The following ATOSA variants were observed in gnomAD, a reference collection of about 807,000 sequenced individuals.
ATOSA encodes atos homolog protein A.
chr15:52,589,300 T>C, the ATOSA span, among the ~76,000 whole-genome samples: 5 of 152,208 alleles, frequency 3.3e-5, no homozygotes, highest in Non-Finnish European at 5.9e-5. Flanking sequence ...AAAGATATGG[T>C]ATATTATACA....
chr15:52,654,053 T>C, the ATOSA span, among the ~76,000 whole-genome samples: 833 of 152,262 alleles, frequency 5.5e-3, 24 homozygotes, highest in South Asian at 1.4e-3. Flanking sequence ...AAATTAACCT[T>C]TTCCTATCTC....
At chr15:52,647,981 T>C in the ATOSA span, among the ~76,000 whole-genome samples, 17 of 152,166 alleles carry the variant, frequency 1.1e-4, no homozygotes, top group Non-Finnish European at 1.9e-4. Context: ...TTCCAGTTAA[T>C]GAAGTACCTT....
At chr15:52,683,184 G>A in the ATOSA span, among the ~76,000 whole-genome samples, 2 of 151,974 alleles carry the variant, frequency 1.3e-5, no homozygotes, top group African/African-American at 2.4e-5. Flanking sequence ...GCCGTTTTTT[G>A]TGACAGTAAC....
chr15:52,631,409 G>C, the ATOSA span, among the ~76,000 whole-genome samples: 1 of 152,076 alleles, frequency 6.6e-6, no homozygotes, highest in Non-Finnish European at 1.5e-5. Flanking sequence ...CTTAAAAAAA[G>C]TCTTCCAACT....
the ATOSA span, among the ~76,000 whole-genome samples, chr15:52,646,736 T>C: frequency 1.3e-5 from 2 of 152,218 alleles, no homozygotes; most frequent in Admixed American, 6.5e-5. Flanking sequence ...AATGCTTTCA[T>C]ACTCTGACTA....
the ATOSA span, among the ~76,000 whole-genome samples, chr15:52,667,289 T>A: frequency 6.6e-6 from 1 of 152,244 alleles, no homozygotes; most frequent in Non-Finnish European, 1.5e-5. Context: ...TAATTTTTTA[T>A]CATATTCTTA....
the ATOSA span, among the ~76,000 whole-genome samples, chr15:52,633,636 A>T: frequency 6.6e-6 from 1 of 152,232 alleles, no homozygotes; most frequent in Non-Finnish European, 1.5e-5. Context: ...AATCCCATCA[A>T]TTAGATTTAA....
the ATOSA span, chr15:52,600,363 A>G: frequency 1.9e-6 from 1 of 535,270 alleles, no homozygotes; most frequent in Admixed American, 3.5e-5. Context: ...ATACAGCTCA[A>G]ACTCCTGGCT....
At chr15:52,701,463 G>C in the ATOSA span, among the ~76,000 whole-genome samples, 1 of 152,310 alleles carries the variant, frequency 6.6e-6, no homozygotes, top group South Asian at 2.1e-4. Flanking sequence ...GTAAATCATA[G>C]AGGTGATTTC....
the ATOSA span, chr15:52,611,293 G>A: frequency 6.2e-7 from 1 of 1,601,242 alleles, no homozygotes; most frequent in Non-Finnish European, 8.5e-7. Flanking sequence ...ATGTAGGCAA[G>A]TACAAAATGA....
the ATOSA span, among the ~76,000 whole-genome samples, chr15:52,642,393 T>G: frequency 6.6e-6 from 1 of 152,328 alleles, no homozygotes; most frequent in East Asian, 1.9e-4. Flanking sequence ...CTCAGCAAAC[T>G]CACATGTAAA....
the ATOSA span, among the ~76,000 whole-genome samples, chr15:52,641,957 C>A: frequency 6.6e-6 from 1 of 152,120 alleles, no homozygotes; most frequent in Non-Finnish European, 1.5e-5. Flanking sequence ...CTTCAGGCAG[C>A]CAAGTATAGA....
At chr15:52,611,154 G>C in the ATOSA span, 1 of 1,613,734 alleles carries the variant, frequency 6.2e-7, no homozygotes, top group African/African-American at 1.3e-5. Flanking sequence ...TCGTGGAATA[G>C]CACCATGAGA....
chr15:52,672,360 A>G, the ATOSA span, among the ~76,000 whole-genome samples: 1 of 151,862 alleles, frequency 6.6e-6, no homozygotes, highest in Non-Finnish European at 1.5e-5. Context: ...TGAAAAAGAA[A>G]AAGAAAAAGT....
At chr15:52,666,394 C>T in the ATOSA span, among the ~76,000 whole-genome samples, 3 of 152,246 alleles carry the variant, frequency 2.0e-5, no homozygotes, top group East Asian at 5.8e-4. Context: ...TCGCACAATA[C>T]CTGATAAGTA....
chr15:52,585,089 C>A, the ATOSA span: 1 of 586,108 alleles, frequency 1.7e-6, no homozygotes, highest in Non-Finnish European at 2.8e-6. Flanking sequence ...AAAATTAACA[C>A]AATTTCAAAA....
the ATOSA span, among the ~76,000 whole-genome samples, chr15:52,635,048 G>T: frequency 6.6e-6 from 1 of 152,202 alleles, no homozygotes; most frequent in African/African-American, 2.4e-5. Flanking sequence ...GATATTGCTA[G>T]TGATGAGGTC....
the ATOSA span, among the ~76,000 whole-genome samples, chr15:52,599,263 C>T: frequency 6.6e-6 from 1 of 152,166 alleles, no homozygotes; most frequent in Admixed American, 6.5e-5. Context: ...CTGAGCCACC[C>T]GACCCTAACA....
chr15:52,687,133 C>T, the ATOSA span, among the ~76,000 whole-genome samples: 1 of 152,194 alleles, frequency 6.6e-6, no homozygotes, highest in East Asian at 1.9e-4. Flanking sequence ...CGGCCGGGCG[C>T]GGTGGCTCAC....
Sources: allele counts gnomAD v4.1 joint callset (sites outside exome capture counted in the v4.1 genomes callset), GRCh38; gene constraint gnomAD v4.1.1; transcripts MANE v1.5; gene names NCBI Gene and HGNC (gene_info 2026-07-23, HGNC 2026-07-21).